Variants in CADM1 observed in about 807,000 individuals in gnomAD.
The protein encoded by CADM1 is cell adhesion molecule 1, also known as TSLC-1.
A neutral mutation model predicts 53.1 loss-of-function variants in CADM1; 15 were observed. That is an observed-to-expected ratio of 0.28 (90% CI 0.19 to 0.44). The LOEUF (loss-of-function observed/expected upper bound fraction) is 0.44. CADM1 is among the 20% of genes least tolerant of loss of function. The probability of loss-of-function intolerance (pLI) is 1.00; values close to 1 mark genes in which losing one functional copy is unlikely to be tolerated. For synonymous variants in CADM1, 281 were observed against 243.0 expected, an observed-to-expected ratio of 1.16 and a Z score of -1.45; for missense variants, 434 against 611.3, an observed-to-expected ratio of 0.71 and a Z score of 3.06.
chr11:115,446,981 G>C (rs1948465644), intron 1 of CADM1, among the ~76,000 whole-genome samples: 1 of 152,128 alleles, frequency 6.6e-6, no homozygotes, highest in Non-Finnish European at 1.5e-5. Context: ...CTAAGGTACA[G>C]CTAGAAAAAA....
At chr11:115,259,088 C>A (rs544277517) in intron 1 of CADM1, among the ~76,000 whole-genome samples, 1 of 151,770 alleles carries the variant, frequency 6.6e-6, no homozygotes, top group Non-Finnish European at 1.5e-5. Flanking sequence ...CAGGTTCAAG[C>A]GATTCTCCTA....
intron 1 of CADM1, among the ~76,000 whole-genome samples, chr11:115,395,445 G>T (rs45514899): frequency 2.6e-4 from 40 of 152,188 alleles, no homozygotes; most frequent in Non-Finnish European, 4.4e-4. Flanking sequence ...TTCTGAAGCT[G>T]GCTCAACAAA....
chr11:115,289,290 G>A (rs906590044), intron 1 of CADM1, among the ~76,000 whole-genome samples: 11 of 152,022 alleles, frequency 7.2e-5, no homozygotes, highest in East Asian at 1.9e-4. Context: ...GTTTGAACCC[G>A]CAGGGTGGAG....
chr11:115,239,301 G>A (rs1251969183), intron 2 of CADM1, among the ~76,000 whole-genome samples: 1 of 152,120 alleles, frequency 6.6e-6, no homozygotes, highest in East Asian at 1.9e-4. Context: ...ATTTGAGGTG[G>A]AGCTGCCAAA....
intron 5 of CADM1, among the ~76,000 whole-genome samples, chr11:115,219,702 G>A (rs955036497): frequency 6.6e-6 from 1 of 152,148 alleles, no homozygotes; most frequent in Non-Finnish European, 1.5e-5. Flanking sequence ...CCAGCACTGG[G>A]TGGCTCAAGA....
At chr11:115,504,155 C>T in intron 1 of CADM1, 116 bp downstream of exon 1, 9 of 1,456,180 alleles carry the variant, frequency 6.2e-6, no homozygotes, top group Non-Finnish European at 8.4e-6. Flanking sequence ...ACTCCCTCCG[C>T]TTCGGATGTA....
At chr11:115,186,502 G>T (rs1187508232) in intron 10 of CADM1, among the ~76,000 whole-genome samples, 1 of 152,124 alleles carries the variant, frequency 6.6e-6, no homozygotes, top group Non-Finnish European at 1.5e-5. Context: ...GGAAGCTGTG[G>T]ATTTCATAGG....
Position 115,175,143 on chromosome 11 carries a change from C to A in CADM1, c.*1331G>T. ...GAGTTTTGATTAAGTAACTGAAAAT[C>A]CGTACATGCTGTTTTTCCACCTCTG... On this transcript the variant is annotated 3_prime_UTR_variant, in exon 12 of 12. Coordinates refer to ENST00000331581, the MANE Select transcript of CADM1 (RefSeq NM_001301043.2). 1 of 985,852 alleles carries A rather than the reference C, an allele frequency of 1.0e-6. No homozygotes were observed. Among genetic ancestry groups the A allele is most frequent in the Non-Finnish European group, 1.2e-6 (1 of 829,924 alleles). 61.1% of individuals were successfully genotyped at this position (985,852 alleles called of 1,614,324 possible). A position where few individuals can be genotyped will look rare whatever the true frequency, so the allele number is the denominator to read the frequency against.
chr11:115,446,921 C>T (rs1211537177), intron 1 of CADM1, among the ~76,000 whole-genome samples: 1 of 152,108 alleles, frequency 6.6e-6, no homozygotes, highest in Non-Finnish European at 1.5e-5. Context: ...TGGGAGCTGC[C>T]AAATGAGCAA....
At chr11:115,503,322 C>T (rs1019008704) in intron 1 of CADM1, among the ~76,000 whole-genome samples, 1 of 152,228 alleles carries the variant, frequency 6.6e-6, no homozygotes, top group Non-Finnish European at 1.5e-5. Context: ...GGGAAGGCAC[C>T]GGGCGTGCAG....
chr11:115,325,593 A>G (rs1289679402), intron 1 of CADM1, among the ~76,000 whole-genome samples: 4 of 152,194 alleles, frequency 2.6e-5, no homozygotes, highest in Non-Finnish European at 4.4e-5. Flanking sequence ...GCACAATTAC[A>G]TAAGACCAAG....
At chr11:115,321,992 A>C (rs1331014200) in intron 1 of CADM1, among the ~76,000 whole-genome samples, 2 of 152,204 alleles carry the variant, frequency 1.3e-5, no homozygotes, top group Non-Finnish European at 2.9e-5. Flanking sequence ...GCTAAAGTAC[A>C]TTTTGCCAAC....
chr11:115,169,638 G>A lies in CADM1; in HGVS notation c.*6836C>T. On this transcript the variant is annotated 3_prime_UTR_variant, in exon 12 of 12. Coordinates refer to ENST00000331581, the MANE Select transcript of CADM1 (RefSeq NM_001301043.2). ...TAGAGAAAACAGGCCTAGAGAGAGG[G>A]AGAGAAAGAGAAAGAGAGAGAGATG... 2.2e-6 allele frequency: 1 copy of A among 456,558 alleles called. No homozygotes were observed. Among genetic ancestry groups the A allele is most frequent in the South Asian group, 1.5e-5 (1 of 64,542 alleles). 28.3% of individuals were successfully genotyped at this position (456,558 alleles called of 1,614,324 possible). A position where few individuals can be genotyped will look rare whatever the true frequency, so the allele number is the denominator to read the frequency against.
chr11:115,186,368 C>CTT (rs1939549938), intron 10 of CADM1, among the ~76,000 whole-genome samples: 1 of 152,058 alleles, frequency 6.6e-6, no homozygotes, highest in Non-Finnish European at 1.5e-5. Context: ...AAAATCTTCC[C>CTT]AGGTTAGTCA....
intron 1 of CADM1, among the ~76,000 whole-genome samples, chr11:115,291,970 G>T (rs1036236222): frequency 6.6e-6 from 1 of 152,156 alleles, no homozygotes; most frequent in Non-Finnish European, 1.5e-5. Context: ...ATAGGTGTCT[G>T]CATGACATTA....
intron 1 of CADM1, among the ~76,000 whole-genome samples, chr11:115,490,479 A>G (rs1394900991): frequency 6.7e-6 from 1 of 150,366 alleles, no homozygotes; most frequent in Non-Finnish European, 1.5e-5. Context: ...GCTCACTGCA[A>G]GCTCCGCCTC....
At chr11:115,436,263 C>T (rs76287430) in intron 1 of CADM1, among the ~76,000 whole-genome samples, 1,745 of 152,130 alleles carry the variant, frequency 0.011, 39 homozygotes, top group African/African-American at 0.039. Flanking sequence ...TTTTCTAATT[C>T]TGGTATCTTT....
At chr11:115,194,798 T>C (rs945931847) in intron 9 of CADM1, among the ~76,000 whole-genome samples, 8 of 151,906 alleles carry the variant, frequency 5.3e-5, no homozygotes, top group Non-Finnish European at 1.2e-4. Context: ...CCCCTCACAT[T>C]GGGGAGGAGG....
chr11:115,432,095 C>A (rs998427479), intron 1 of CADM1, among the ~76,000 whole-genome samples: 1 of 151,914 alleles, frequency 6.6e-6, no homozygotes, highest in South Asian at 2.1e-4. Flanking sequence ...TACAGGTGCA[C>A]GCCACCACAC....
Sources: allele counts gnomAD v4.1 joint callset (sites outside exome capture counted in the v4.1 genomes callset), GRCh38; gene constraint gnomAD v4.1.1; transcripts MANE v1.5; gene names NCBI Gene and HGNC (gene_info 2026-07-23, HGNC 2026-07-21).